The following DMRT3 variants were observed in gnomAD, a reference collection of about 807,000 sequenced individuals.
The protein encoded by DMRT3 is doublesex- and mab-3-related transcription factor 3.
Under a neutral mutation model 34.9 loss-of-function variants are expected in DMRT3, and 29 were observed. The observed-to-expected ratio is 0.83, with a 90% CI of 0.62 to 1.13. The LOEUF (loss-of-function observed/expected upper bound fraction) is 1.13, where lower values mean the gene tolerates loss of function less well. Ranked by LOEUF, DMRT3 falls within the 50% of genes most tolerant of loss-of-function variation. The pLI, the probability that DMRT3 is intolerant of heterozygous loss-of-function variation, is 0.00. For synonymous variants in DMRT3, 350 were observed against 286.0 expected (o/e 1.22, Z -2.26); for missense variants, 772 against 629.1 (o/e 1.23, Z -2.43).
In DMRT3 at chr9:977,402, G is replaced by C; in HGVS notation, c.401G>C (p.Arg134Pro). The C allele has an allele frequency of 8.0e-7, 1 of 1,254,616 alleles. No homozygotes were observed. Among genetic ancestry groups the C allele is most frequent in the East Asian group, 3.0e-5 (1 of 33,858 alleles). 77.7% of individuals were successfully genotyped at this position (1,254,616 alleles called of 1,614,324 possible). The change falls in exon 1 of 2, where the codon CGT (arginine) becomes CCT (proline). Residue 134 changes from arginine (R) to proline (P), a missense_variant. Arg to Pro is a moderately radical substitution (Grantham distance 103). Transcript: ENST00000190165. ...GAGTTGGCCGCGGCCGCCGCGCTGC[G>C]TTGGACTGCCGAGCCGCAGCCCGGG... ...AAELAAAAALRWTAEPQPGAL... is the reference protein window; with the variant it reads ...AAELAAAAALPWTAEPQPGAL...
rs759070045 is a variant in DMRT3 at position 990,023 on chromosome 9, A to G, written c.455-18A>G. 1.2e-6 allele frequency: 2 copies of G among 1,612,772 alleles called. No individual in the cohort carries two copies. The highest frequency in any genetic ancestry group is 3.3e-5 in the Admixed American group (2 of 59,910). The stretch of plus-strand genomic sequence containing the variant: ...ATGCACACCAGGAAAAGATTAACTC[A>G]GCTGTTCTGTTTTCCAGATTTGACT... On this transcript the variant is annotated intron_variant, in intron 1 of 1. Transcript: ENST00000190165.
At chr9:984,517 G>A (rs545772792) in intron 1 of DMRT3, among the ~76,000 whole-genome samples, 1 of 151,008 alleles carries the variant, frequency 6.6e-6, no homozygotes, top group African/African-American at 2.4e-5. Flanking sequence ...GTGCAGTGGT[G>A]AGATCTGCAG....
At chr9:989,606 C>A (rs1056869128) in intron 1 of DMRT3, among the ~76,000 whole-genome samples, 1 of 152,170 alleles carries the variant, frequency 6.6e-6, no homozygotes, top group African/African-American at 2.4e-5. Flanking sequence ...ATGGTACTAT[C>A]CCTAGATAAC....
At chr9:987,113 A>G (rs1820295732) in intron 1 of DMRT3, among the ~76,000 whole-genome samples, 1 of 152,154 alleles carries the variant, frequency 6.6e-6, no homozygotes, top group South Asian at 2.1e-4. Context: ...AGTGGCATTT[A>G]TTCAAAATGT....
intron 1 of DMRT3, 84 bp from the exon 2 acceptor site, chr9:989,957 G>C: frequency 6.5e-7 from 1 of 1,526,724 alleles, no homozygotes. Flanking sequence ...CTTCCAAAAA[G>C]CACGTGTACA....
chr9:985,302 G>T (rs1184384518), intron 1 of DMRT3, among the ~76,000 whole-genome samples: 3 of 152,130 alleles, frequency 2.0e-5, no homozygotes, highest in African/African-American at 7.2e-5. Context: ...ATCTACCGGG[G>T]TAAAAATATT....
Position 991,158 on chromosome 9 carries a change from T to G in DMRT3, c.*153T>G. On this transcript the variant is annotated 3_prime_UTR_variant, in exon 2 of 2. Transcript: ENST00000190165. ...ATACATTAGCAATAAAAACATAACT[T>G]ATTTAACTTCTTGCACTTCACTGGA... The G allele has an allele frequency of 9.4e-7, 1 of 1,065,068 alleles. No individual in the cohort carries two copies. The allele number at this position is 1,065,068 out of a possible 1,614,324, so 66.0% of individuals were successfully genotyped here.
In DMRT3 at chr9:977,263, C is replaced by G. The variant is rs1033535846; in HGVS notation, c.262C>G (p.Pro88Ala). The change falls in exon 1 of 2, where the codon CCC becomes GCC. Residue 88 changes from proline to alanine, a missense_variant. Physicochemically the swap from Pro to Ala is conservative, Grantham distance 27 (BLOSUM62 -1). Coordinates refer to ENST00000190165, the MANE Select transcript of DMRT3 (RefSeq NM_021240.4). ...CAACGAGAGCTTGGAGAGCCTCATC[C>G]CCGACTCGCTGCGCGCTCTGCCAGG... is the stretch of plus-strand genomic sequence containing the variant. The part of the protein sequence containing the change: ...QANESLESLI[P>A]DSLRALPGPP... The G allele has an allele frequency of 6.5e-7, 1 of 1,547,224 alleles. No individual in the cohort carries two copies. Among genetic ancestry groups the G allele is most frequent in the Non-Finnish European group, 8.7e-7 (1 of 1,143,090 alleles).
In DMRT3 at chr9:991,056, C is replaced by T. The variant is rs1478644984; in HGVS notation, c.*51C>T. ...GGTGACATTTTCTGTGCGTTTTGAC[C>T]CTGAGGCATCTGAGGAGAGGCCACA... On this transcript the variant is annotated 3_prime_UTR_variant, in exon 2 of 2. Coordinates refer to ENST00000190165, the MANE Select transcript of DMRT3 (RefSeq NM_021240.4). The T allele has an allele frequency of 2.6e-6, 4 of 1,560,878 alleles. No homozygotes were observed. Among genetic ancestry groups the T allele is most frequent in the African/African-American group, 1.4e-5 (1 of 73,860 alleles).
chr9:977,191 C>A lies in DMRT3; in HGVS notation c.190C>A (p.Arg64=). ...TCEKCILIIE[R]QRVMAAQVAL... ...CGAGAAGTGCATCCTCATCATCGAG[C>A]GGCAGCGGGTCATGGCTGCGCAGGT... is the stretch of plus-strand genomic sequence containing the variant. The change falls in exon 1 of 2, where the codon CGG becomes AGG. Residue 64 remains arginine (R), a synonymous_variant. Transcript: ENST00000190165. 2 of 1,609,908 alleles carry A rather than the reference C, an allele frequency of 1.2e-6. No individual in the cohort carries two copies. Among genetic ancestry groups the A allele is most frequent in the Non-Finnish European group, 1.7e-6 (2 of 1,178,484 alleles).
chr9:979,478 G>A (rs1563687203), intron 1 of DMRT3, among the ~76,000 whole-genome samples: 2 of 152,124 alleles, frequency 1.3e-5, no homozygotes, highest in Non-Finnish European at 2.9e-5. Context: ...GGACTTTGGG[G>A]GACCGAGGCA....
chr9:977,082 C>T lies in DMRT3; in HGVS notation c.81C>T (p.Pro27=). The change falls in exon 1 of 2, where the codon CCC becomes CCT. Residue 27 remains proline, a synonymous_variant. Transcript: ENST00000190165. ...QPPRAPLQRT[P]KCARCRNHGV... Reference sequence around the variant, plus strand: ...CACGGGCGCCCCTGCAGCGCACGCCCAAGTGCGCGCGCTGCCGCAACCATG... The same window carrying T: ...CACGGGCGCCCCTGCAGCGCACGCCTAAGTGCGCGCGCTGCCGCAACCATG... The T allele has an allele frequency of 6.3e-7, 1 of 1,596,396 alleles. No homozygotes were observed.
rs750576922 is a variant in DMRT3, at chr9:990,773, C to T, written c.1187C>T (p.Thr396Met). ...GATGTCACCCTGTGGAACACCATGA[C>T]GCTGCAGCAGCAGTATCAGCTGAGG... ...PNDVTLWNTMTLQQQYQLRSQ... is the reference protein window; with the variant it reads ...PNDVTLWNTMMLQQQYQLRSQ... The change falls in exon 2 of 2, where the codon ACG becomes ATG. Residue 396 changes from threonine to methionine, a missense_variant. Thr to Met is a moderately conservative substitution (Grantham distance 81, BLOSUM62 -1). Coordinates refer to ENST00000190165, the MANE Select transcript of DMRT3 (RefSeq NM_021240.4). The T allele has an allele frequency of 2.6e-5, 42 of 1,613,998 alleles. No individual in the cohort carries two copies. Among genetic ancestry groups the T allele is most frequent in the Non-Finnish European group, 3.3e-5 (39 of 1,180,042 alleles).
rs1442398476 is a variant in DMRT3, at chr9:990,813, T to C, written c.1227T>C (p.Ser409=). 3 of 1,614,016 alleles carry C rather than the reference T, an allele frequency of 1.9e-6. No individual in the cohort carries two copies. The highest frequency in any genetic ancestry group is 1.7e-5 in the Admixed American group (1 of 60,000). The change falls in exon 2 of 2, where the codon AGT becomes AGC. Residue 409 remains serine, a synonymous_variant. Transcript: ENST00000190165. ...ATCAGCTGAGGTCCCAGTATGTCAGTCCTTTCCCCAGTAACTCTACCAGCG... is the reference window on the plus strand; with the variant it reads ...ATCAGCTGAGGTCCCAGTATGTCAGCCCTTTCCCCAGTAACTCTACCAGCG... The part of the protein sequence containing the change: ...QQYQLRSQYV[S]PFPSNSTSVF...
chr9:990,592 G>A lies in DMRT3; in HGVS notation c.1006G>A (p.Val336Ile). The A allele has an allele frequency of 1.2e-6, 2 of 1,614,104 alleles. No homozygotes were observed. Among genetic ancestry groups the A allele is most frequent in the South Asian group, 1.1e-5 (1 of 91,074 alleles). The change falls in exon 2 of 2, where the codon GTC becomes ATC. Residue 336 changes from valine (V) to isoleucine (I), a missense_variant. Transcript: ENST00000190165. ...SKWSVGSAFR[V>I]PDTLRFSADS... The stretch of plus-strand genomic sequence containing the variant: ...ATGGTCTGTGGGATCAGCCTTTCGA[G>A]TCCCAGACACGTTGAGGTTTTCTGC...
intron 1 of DMRT3, among the ~76,000 whole-genome samples, chr9:984,749 G>A (rs1041447909): frequency 3.9e-5 from 6 of 152,026 alleles, no homozygotes; most frequent in African/African-American, 1.4e-4. Context: ...GAGCCACCGC[G>A]CCCAGCCAGA....
intron 1 of DMRT3, among the ~76,000 whole-genome samples, chr9:984,485 T>C (rs1306954235): frequency 6.6e-6 from 1 of 151,674 alleles, no homozygotes; most frequent in Non-Finnish European, 1.5e-5. Context: ...TTAGACAGTC[T>C]AATTCTGTCG....
Position 990,092 on chromosome 9 carries a change from T to A in DMRT3, c.506T>A (p.Val169Asp). 4 of 1,613,674 alleles carry A rather than the reference T, an allele frequency of 2.5e-6. No individual in the cohort carries two copies. Among genetic ancestry groups the A allele is most frequent in the Middle Eastern group, 1.6e-4 (1 of 6,062 alleles). The change falls in exon 2 of 2, where the codon GTC becomes GAC. Residue 169 changes from valine to aspartate, a missense_variant. Val to Asp is a radical substitution (Grantham distance 152). Coordinates refer to ENST00000190165, the MANE Select transcript of DMRT3 (RefSeq NM_021240.4). The part of the protein sequence containing the change: ...GDGKSADNTE[V>D]FSDKDTDQRS... ...GGCAAGTCGGCAGACAATACAGAGGTCTTCAGTGACAAAGACACTGACCAG... is the reference window on the plus strand; with the variant it reads ...GGCAAGTCGGCAGACAATACAGAGGACTTCAGTGACAAAGACACTGACCAG...
In DMRT3 at chr9:990,196, G is replaced by T. The variant is rs1227818397; in HGVS notation, c.610G>T (p.Gly204Ter). ...SPEIVSVEEGGYAVQKNGGNP... is the reference protein window; with the variant it reads ...SPEIVSVEEG ...TGAGATAGTGTCCGTGGAGGAAGGG[G>T]GATACGCTGTCCAGAAAAACGGAGG... The change falls in exon 2 of 2, where the codon GGA becomes TGA. Residue 204 changes from glycine to a stop codon, truncating the protein, a stop_gained. Coordinates refer to ENST00000190165, the MANE Select transcript of DMRT3 (RefSeq NM_021240.4). LOFTEE classifies it high-confidence loss of function. 6.2e-7 allele frequency: 1 copy of T among 1,613,878 alleles called. No individual in the cohort carries two copies. Among genetic ancestry groups the T allele is most frequent in the African/African-American group, 1.3e-5 (1 of 74,860 alleles).
Sources: gnomAD v4.1 joint callset for allele counts (sites outside exome capture counted in the v4.1 genomes callset) on GRCh38, gnomAD v4.1.1 for gene constraint, MANE v1.5 for transcripts, NCBI Gene and HGNC (gene_info 2026-07-23, HGNC 2026-07-21) for gene names.